SLC39A11: variants seen among roughly 807,000 people sequenced by gnomAD.
SLC39A11 encodes the protein zinc transporter ZIP11.
A neutral mutation model predicts 36.1 loss-of-function variants in SLC39A11; 33 were observed. That is an observed-to-expected ratio of 0.91 (90% CI 0.69 to 1.22). The LOEUF (loss-of-function observed/expected upper bound fraction) is 1.22. SLC39A11 is among the 50% of genes most tolerant of loss of function. The pLI, the probability that SLC39A11 is intolerant of heterozygous loss-of-function variation, is 0.00. For synonymous variants in SLC39A11, 166 were observed against 170.3 expected, an observed-to-expected ratio of 0.97 and a Z score of 0.20; for missense variants, 432 against 430.3, an observed-to-expected ratio of 1.00 and a Z score of -0.03.
intron 6 of SLC39A11, among the ~76,000 whole-genome samples, chr17:72,738,571 A>C (rs2074534681): frequency 6.6e-6 from 1 of 152,136 alleles, no homozygotes; most frequent in Non-Finnish European, 1.5e-5. Context: ...ATGGAAGGAA[A>C]TGGACCTGAT....
chr17:72,888,153 C>T (rs551165208), intron 5 of SLC39A11, among the ~76,000 whole-genome samples: 4 of 152,298 alleles, frequency 2.6e-5, no homozygotes, highest in South Asian at 2.1e-4. Flanking sequence ...GATATTAGGA[C>T]GAACATACTG....
intron 7 of SLC39A11, among the ~76,000 whole-genome samples, chr17:72,666,331 C>T (rs372462977): frequency 6.6e-5 from 10 of 152,246 alleles, no homozygotes; most frequent in African/African-American, 2.2e-4. Flanking sequence ...CAGCATAAAC[C>T]GACCACTCCA....
At chr17:73,017,119 G>C (rs1180070509) in intron 4 of SLC39A11, among the ~76,000 whole-genome samples, 1 of 152,196 alleles carries the variant, frequency 6.6e-6, no homozygotes, top group Non-Finnish European at 1.5e-5. Context: ...TTGGAGGGCA[G>C]AGAGAAACGA....
chr17:72,785,278 A>G (rs1041712308), intron 6 of SLC39A11, among the ~76,000 whole-genome samples: 5 of 152,194 alleles, frequency 3.3e-5, no homozygotes, highest in Non-Finnish European at 7.4e-5. Flanking sequence ...ATTACCATCA[A>G]GGAGGTTTTC....
chr17:72,759,254 C>CA (rs556975373), intron 6 of SLC39A11, among the ~76,000 whole-genome samples: 40 of 147,948 alleles, frequency 2.7e-4, no homozygotes, highest in African/African-American at 9.2e-4. Flanking sequence ...TTTGTGGAGC[C>CA]AAAAAAAAAT....
At chr17:72,675,669 T>C (rs982338015) in intron 7 of SLC39A11, among the ~76,000 whole-genome samples, 3 of 149,084 alleles carry the variant, frequency 2.0e-5, no homozygotes, top group Non-Finnish European at 4.5e-5. Flanking sequence ...CAGTGTGTGA[T>C]GCCCGGCGCC....
At chr17:72,871,050 G>GT (rs2080589215) in intron 5 of SLC39A11, among the ~76,000 whole-genome samples, 1 of 128,718 alleles carries the variant, frequency 7.8e-6, no homozygotes, top group Non-Finnish European at 1.6e-5. Flanking sequence ...TGTTTGTTTT[G>GT]TTTTTGTTTT....
At chr17:73,021,294 G>A (rs928392038) in intron 4 of SLC39A11, among the ~76,000 whole-genome samples, 1 of 152,034 alleles carries the variant, frequency 6.6e-6, no homozygotes, top group African/African-American at 2.4e-5. Context: ...CAAGAAGAAG[G>A]GATCCAGTGA....
chr17:72,947,090 A>G (rs1211279778), intron 5 of SLC39A11, among the ~76,000 whole-genome samples: 1 of 152,206 alleles, frequency 6.6e-6, no homozygotes, highest in African/African-American at 2.4e-5. Flanking sequence ...GGAAGCCGAG[A>G]CAGGCAGATC....
chr17:72,718,751 G>A (rs2073519451), intron 7 of SLC39A11, among the ~76,000 whole-genome samples: 1 of 152,274 alleles, frequency 6.6e-6, no homozygotes, highest in South Asian at 2.1e-4. Context: ...CTGTAAAATG[G>A]GAATGATAAT....
intron 3 of SLC39A11, among the ~76,000 whole-genome samples, chr17:73,065,783 T>G (rs1306281003): frequency 6.6e-6 from 1 of 152,226 alleles, no homozygotes; most frequent in East Asian, 1.9e-4. Context: ...TAGGCTTAAC[T>G]GGGGCTTCAA....
Position 72,773,680 on chromosome 17 carries a change from C to CACACACAT in SLC39A11, c.602-36962_602-36961insATGTGTGT, listed in dbSNP as rs879349280. On this transcript the variant is annotated intron_variant, in intron 6 of 9. Coordinates refer to ENST00000255559, the MANE Select transcript of SLC39A11 (RefSeq NM_139177.4). ...ACACACACACACACACACACACACC[C>CACACACAT]AGTATATAAAGGATATCAGTGTCAT... Among the ~76,000 whole-genome samples, 108 of 150,148 alleles carry CACACACAT rather than the reference C, an allele frequency of 7.2e-4. 1 individual carries two copies. Among genetic ancestry groups the CACACACAT allele is most frequent in the African/African-American group, 2.5e-3 (103 of 40,644 alleles).
chr17:72,731,475 T>C lies in SLC39A11; in HGVS notation c.671+5175A>G, dbSNP rs145659480. On this transcript the variant is annotated intron_variant, in intron 7 of 9. Coordinates refer to ENST00000255559, the MANE Select transcript of SLC39A11 (RefSeq NM_139177.4). ...CTTGGTGTCTTTTGTAAAACTATTA[T>C]ATTATTATAAATCTATCCATTATTA... Among the ~76,000 whole-genome samples the C allele has an allele frequency of 1.2e-4, 18 of 152,278 alleles. No individual in the cohort carries two copies. The East Asian group carries it at 3.5e-3, about 29-fold the overall frequency.
intron 5 of SLC39A11, among the ~76,000 whole-genome samples, chr17:72,933,495 T>C (rs1009675580): frequency 6.6e-6 from 1 of 152,188 alleles, no homozygotes; most frequent in Non-Finnish European, 1.5e-5. Context: ...GTTTATGGAT[T>C]CAGTGCAACC....
chr17:72,952,740 G>T (rs757293907), intron 4 of SLC39A11, among the ~76,000 whole-genome samples: 6 of 152,184 alleles, frequency 3.9e-5, no homozygotes, highest in Non-Finnish European at 8.8e-5. Context: ...AATCCTTATA[G>T]CCCTGCAAGG....
chr17:72,657,204 A>G (rs2143955394), intron 7 of SLC39A11, among the ~76,000 whole-genome samples: 1 of 152,246 alleles, frequency 6.6e-6, no homozygotes, highest in East Asian at 1.9e-4. Flanking sequence ...TACTAAAAAT[A>G]CAAAAATTAG....
chr17:72,994,635 A>C (rs1029263961), intron 4 of SLC39A11, among the ~76,000 whole-genome samples: 20 of 152,214 alleles, frequency 1.3e-4, no homozygotes, highest in African/African-American at 4.8e-4. Flanking sequence ...TTAATTAGAA[A>C]TCTGAGCTCT....
intron 7 of SLC39A11, among the ~76,000 whole-genome samples, chr17:72,670,817 G>C (rs1258763533): frequency 2.6e-5 from 4 of 152,142 alleles, no homozygotes; most frequent in Non-Finnish European, 5.9e-5. Flanking sequence ...GGCTCATCTT[G>C]TATTTTCACT....
chr17:73,012,201 G>A (rs1008118184), intron 4 of SLC39A11, among the ~76,000 whole-genome samples: 1 of 151,890 alleles, frequency 6.6e-6, no homozygotes, highest in African/African-American at 2.4e-5. Flanking sequence ...GCTTGAACCC[G>A]GGAAGCAGAC....
Sources: gnomAD v4.1 joint callset for allele counts (sites outside exome capture counted in the v4.1 genomes callset) on GRCh38, gnomAD v4.1.1 for gene constraint, MANE v1.5 for transcripts, NCBI Gene and HGNC (gene_info 2026-07-23, HGNC 2026-07-21) for gene names.